The following GTF2H5 variants were observed in gnomAD, a reference collection of about 807,000 sequenced individuals.
GTF2H5 encodes general transcription factor IIH subunit 5.
GTF2H5 carries 5 observed loss-of-function variants against 7.1 expected under a neutral mutation model. That is an observed-to-expected ratio of 0.71 (90% confidence interval 0.37 to 1.49). The LOEUF is 1.49. Among genes scored for constraint, GTF2H5 ranks in the 40% most tolerant of loss-of-function variants. The probability of loss-of-function intolerance (pLI) is 0.03; values close to 1 mark genes in which losing one functional copy is unlikely to be tolerated. For synonymous variants in GTF2H5, 30 were observed against 31.7 expected (o/e 0.95, Z 0.18); for missense variants, 80 against 83.0 (o/e 0.96, Z 0.14).
chr6:158,181,701 C>CTT (rs200161141), intron 2 of GTF2H5, among the ~76,000 whole-genome samples: 4 of 145,260 alleles, frequency 2.8e-5, no homozygotes, highest in Non-Finnish European at 6.1e-5. Context: ...GCAACCTCTG[C>CTT]TTTTTTTTTT....
intron 1 of GTF2H5, among the ~76,000 whole-genome samples, chr6:158,169,518 A>G (rs1334421615): frequency 2.4e-5 from 2 of 82,454 alleles, no homozygotes; most frequent in Non-Finnish European, 4.2e-5. Flanking sequence ...TGTATATTAT[A>G]TATAATATAC....
intron 2 of GTF2H5, among the ~76,000 whole-genome samples, chr6:158,176,629 C>G (rs758496006): frequency 6.6e-6 from 1 of 152,148 alleles, no homozygotes; most frequent in Non-Finnish European, 1.5e-5. Context: ...GAGACCAGCT[C>G]GGTCTGGGAG....
chr6:158,175,548 G>A (rs903195121), intron 2 of GTF2H5, among the ~76,000 whole-genome samples: 13 of 152,242 alleles, frequency 8.5e-5, no homozygotes, highest in Non-Finnish European at 4.4e-5. Context: ...TGGATGGCTT[G>A]AGGTCAGGAG....
chr6:158,176,869 G>A (rs148802381), intron 2 of GTF2H5, among the ~76,000 whole-genome samples: 409 of 152,352 alleles, frequency 2.7e-3, no homozygotes, highest in African/African-American at 9.3e-3. Flanking sequence ...CCAAAATAAA[G>A]GGATGGGTTG....
intron 1 of GTF2H5, among the ~76,000 whole-genome samples, chr6:158,170,200 G>A (rs558391836): frequency 6.6e-6 from 1 of 152,216 alleles, no homozygotes; most frequent in East Asian, 1.9e-4. Flanking sequence ...GGGCACACTG[G>A]TGTAGAGTTA....
At position 158,168,386 on chromosome 6, in the gene GTF2H5, G is replaced by T. The variant is rs2128427489; in HGVS notation, c.-44G>T. On this transcript the variant is annotated 5_prime_UTR_variant, in exon 1 of 3. Coordinates refer to ENST00000607778, the MANE Select transcript of GTF2H5 (RefSeq NM_207118.3). ...GCAACGCCGAGGCGCTTCTGCATCT[G>T]TGGGCCGAGGTGTGTGGCGAGCGTC... 6.6e-6 allele frequency: 1 copy of T among 152,480 alleles called. No individual in the cohort carries two copies. The highest frequency in any genetic ancestry group is 2.4e-5 in the African/African-American group (1 of 41,598). The allele number at this position is 152,480 out of a possible 1,614,324, so 9.4% of individuals were successfully genotyped here.
rs540671542 is a variant in GTF2H5, at chr6:158,176,254, A to G, written c.35+5716A>G. On this transcript the variant is annotated intron_variant, in intron 2 of 2. Coordinates refer to ENST00000607778, the MANE Select transcript of GTF2H5 (RefSeq NM_207118.3). ...TGCTTTTGTTTTTTTTTTGAAACGG[A>G]GTCTCACTGTCACCCAGCCTGGAGT... 3.0e-4 allele frequency among the ~76,000 whole-genome samples: 45 copies of G among 151,880 alleles called. No individual in the cohort carries two copies. In the South Asian group the frequency reaches 8.7e-3, roughly 30 times the overall value.
At chr6:158,170,317 CAG>C (rs1210265267) in intron 1 of GTF2H5, among the ~76,000 whole-genome samples, 151 bp from the exon 2 acceptor site, 1 of 152,126 alleles carries the variant, frequency 6.6e-6, no homozygotes, top group African/African-American at 2.4e-5. Context: ...GTTAAAAAAT[CAG>C]AATGTCTTTT....
intron 2 of GTF2H5, among the ~76,000 whole-genome samples, chr6:158,181,885 A>AT (rs1786015844): frequency 6.6e-6 from 1 of 152,148 alleles, no homozygotes; most frequent in South Asian, 2.1e-4. Context: ...TTTAAGGTTA[A>AT]TATTGTTATG....
chr6:158,195,654 T>C lies in GTF2H5; in HGVS notation c.*3497T>C, dbSNP rs1242860455. 1 of 152,204 alleles carries C rather than the reference T, an allele frequency of 6.6e-6. No individual in the cohort carries two copies. The highest frequency in any genetic ancestry group is 1.5e-5 in the Non-Finnish European group (1 of 68,034). 9.4% of individuals were successfully genotyped at this position (152,204 alleles called of 1,614,324 possible). On this transcript the variant is annotated 3_prime_UTR_variant, in exon 3 of 3. Transcript: ENST00000607778. ...ACAGGTGATTTGACATAATTGTACT[T>C]TTTTCTGAGAAGTTGGTAGTGTACT...
At chr6:158,169,859 C>T (rs1009723593) in intron 1 of GTF2H5, among the ~76,000 whole-genome samples, 3 of 135,408 alleles carry the variant, frequency 2.2e-5, no homozygotes, top group African/African-American at 8.3e-5. Context: ...ACACACGATA[C>T]AACACAGTAC....
rs1455855590 is a variant in GTF2H5 at position 158,194,674 on chromosome 6, G to A, written c.*2517G>A. The A allele has an allele frequency of 6.6e-6, 1 of 152,180 alleles. No homozygotes were observed. The highest frequency in any genetic ancestry group is 1.5e-5 in the Non-Finnish European group (1 of 68,044). 9.4% of individuals were successfully genotyped at this position (152,180 alleles called of 1,614,324 possible). A position where few individuals can be genotyped will look rare whatever the true frequency, so the allele number is the denominator to read the frequency against. On this transcript the variant is annotated 3_prime_UTR_variant, in exon 3 of 3. Transcript: ENST00000607778. ...ACAAGTTAACTCCTTGAGGAAAGGG[G>A]GTGGGTAAGGAGTCCTTGATGTCCT...
At chr6:158,178,738 A>C (rs1161233225) in intron 2 of GTF2H5, among the ~76,000 whole-genome samples, 1 of 152,070 alleles carries the variant, frequency 6.6e-6, no homozygotes, top group African/African-American at 2.4e-5. Context: ...TTCTTTGTAG[A>C]TTCTGGATAT....
In GTF2H5 at chr6:158,194,736, C is replaced by T. The variant is rs1777082301; in HGVS notation, c.*2579C>T. On this transcript the variant is annotated 3_prime_UTR_variant, in exon 3 of 3. Coordinates refer to ENST00000607778, the MANE Select transcript of GTF2H5 (RefSeq NM_207118.3). ...AACCAAATGGAGTTCCTCCGGCTTT[C>T]TCAGCTAAGGGAGAGCTTATTCACA... 1 of 152,140 alleles carries T rather than the reference C, an allele frequency of 6.6e-6. No individual in the cohort carries two copies. Among genetic ancestry groups the T allele is most frequent in the Non-Finnish European group, 1.5e-5 (1 of 68,028 alleles). The allele number at this position is 152,140 out of a possible 1,614,324, so 9.4% of individuals were successfully genotyped here. A position where few individuals can be genotyped will look rare whatever the true frequency, so the allele number is the denominator to read the frequency against.
At chr6:158,169,354 TA>T (rs1407496639) in intron 1 of GTF2H5, among the ~76,000 whole-genome samples, 49 of 85,840 alleles carry the variant, frequency 5.7e-4, no homozygotes, top group African/African-American at 1.8e-3. Flanking sequence ...ATATTATATA[TA>T]ATACATATAT....
intron 2 of GTF2H5, among the ~76,000 whole-genome samples, chr6:158,173,384 T>A (rs117460844): frequency 0.015 from 2,263 of 152,222 alleles, 26 homozygotes; most frequent in Non-Finnish European, 0.021. Context: ...AAGGAAAGGG[T>A]ATGGCCAGTG....
At chr6:158,169,637 A>ATATGATGTATATTATAT (rs1491296928) in intron 1 of GTF2H5, among the ~76,000 whole-genome samples, 1 of 49,420 alleles carries the variant, frequency 2.0e-5, no homozygotes, top group African/African-American at 1.1e-4. Context: ...ATTGTATATT[A>ATATGATGTATATTATAT]CATATATTGT....
chr6:158,169,373 GTATATTATATATTATATATAATAT>G (rs1562467745), intron 1 of GTF2H5, among the ~76,000 whole-genome samples: 10 of 87,442 alleles, frequency 1.1e-4, no homozygotes, highest in Non-Finnish European at 2.0e-4. Flanking sequence ...TATATAATAT[GTATATTATATATTATATATAATAT>G]TATATTGTAT....
At chr6:158,191,501 G>A (rs75469086) in intron 2 of GTF2H5, among the ~76,000 whole-genome samples, 3 of 75,666 alleles carry the variant, frequency 4.0e-5, no homozygotes, top group African/African-American at 1.2e-4. Context: ...TTTTTTTTTT[G>A]AGACAGAGTC....
Sources: allele counts gnomAD v4.1 joint callset (sites outside exome capture counted in the v4.1 genomes callset), GRCh38; gene constraint gnomAD v4.1.1; transcripts MANE v1.5; gene names NCBI Gene and HGNC (gene_info 2026-07-23, HGNC 2026-07-21).